The following OPCML variants were observed in gnomAD, a reference collection of about 807,000 sequenced individuals.
OPCML encodes opioid-binding protein/cell adhesion molecule.
OPCML carries 13 observed loss-of-function variants against 37.8 expected under a neutral mutation model. The observed-to-expected ratio is 0.34, with a 90% CI of 0.22 to 0.55. The LOEUF is 0.55. OPCML is among the 20% of genes least tolerant of loss of function. The pLI is 0.91. For missense variants in OPCML, 341 were observed against 435.6 expected, an observed-to-expected ratio of 0.78 and a Z score of 1.93; for synonymous variants, 176 against 168.8, an observed-to-expected ratio of 1.04 and a Z score of -0.33.
At chr11:132,824,862 C>T (rs745675581) in intron 2 of OPCML, among the ~76,000 whole-genome samples, 9 of 152,294 alleles carry the variant, frequency 5.9e-5, no homozygotes, top group Admixed American at 2.0e-4. Context: ...TCACCACAAG[C>T]CCTTCAGTTT....
intron 4 of OPCML, among the ~76,000 whole-genome samples, chr11:132,488,389 G>A (rs1227763006): frequency 6.6e-6 from 1 of 152,146 alleles, no homozygotes; most frequent in African/African-American, 2.4e-5. Flanking sequence ...CTATACACTA[G>A]GCTAGATGGC....
At chr11:132,588,602 C>T (rs370495873) in intron 3 of OPCML, among the ~76,000 whole-genome samples, 1 of 152,142 alleles carries the variant, frequency 6.6e-6, no homozygotes, top group Admixed American at 6.5e-5. Flanking sequence ...TGATTCACTG[C>T]CCCTTGGCTG....
intron 3 of OPCML, among the ~76,000 whole-genome samples, chr11:132,576,405 T>G (rs997974719): frequency 7.2e-5 from 11 of 151,890 alleles, no homozygotes; most frequent in African/African-American, 2.7e-4. Flanking sequence ...TTCTGCTTGA[T>G]CTAGCCTGTT....
chr11:132,491,851 A>G (rs1457060761), intron 4 of OPCML, among the ~76,000 whole-genome samples: 1 of 151,698 alleles, frequency 6.6e-6, no homozygotes, highest in East Asian at 1.9e-4. Flanking sequence ...AAGACAAATT[A>G]TGCAGTATAA....
chr11:132,958,272 G>T (rs1946012611), intron 1 of OPCML, among the ~76,000 whole-genome samples: 1 of 152,334 alleles, frequency 6.6e-6, no homozygotes, highest in Non-Finnish European at 1.5e-5. Context: ...CCAGAGCGAG[G>T]TTGTAACTCT....
At chr11:133,009,262 C>G in intron 1 of OPCML, 1 of 983,308 alleles carries the variant, frequency 1.0e-6, no homozygotes, top group Non-Finnish European at 1.2e-6. Flanking sequence ...TAAATACTTG[C>G]TTGTTAAAAT....
intron 1 of OPCML, among the ~76,000 whole-genome samples, chr11:133,099,089 TA>T (rs1196264686): frequency 1.3e-5 from 2 of 151,852 alleles, no homozygotes; most frequent in Non-Finnish European, 2.9e-5. Flanking sequence ...ACCCCCAAAA[TA>T]AAAGAGATAA....
At chr11:132,484,295 C>G (rs1241097327) in intron 4 of OPCML, among the ~76,000 whole-genome samples, 1 of 152,160 alleles carries the variant, frequency 6.6e-6, no homozygotes, top group Non-Finnish European at 1.5e-5. Context: ...GACATTTATG[C>G]AGCCAAAAAA....
chr11:133,218,415 CT>C (rs1477345415), intron 1 of OPCML, among the ~76,000 whole-genome samples: 1 of 152,162 alleles, frequency 6.6e-6, no homozygotes, highest in African/African-American at 2.4e-5. Context: ...GGGAAGACTT[CT>C]TTGGTTCGCT....
intron 2 of OPCML, among the ~76,000 whole-genome samples, chr11:132,927,149 G>A: frequency 6.6e-6 from 1 of 152,024 alleles, no homozygotes; most frequent in East Asian, 1.9e-4. Flanking sequence ...TGTAACTACT[G>A]GAAATGTTCC....
At chr11:133,225,195 GGA>G (rs1328835977) in intron 1 of OPCML, among the ~76,000 whole-genome samples, 1 of 152,162 alleles carries the variant, frequency 6.6e-6, no homozygotes, top group Admixed American at 6.5e-5. Context: ...ACTTATGGAT[GGA>G]AAATATTCTT....
chr11:133,045,714 A>G (rs555319419), intron 1 of OPCML, among the ~76,000 whole-genome samples: 59 of 152,294 alleles, frequency 3.9e-4, no homozygotes, highest in Non-Finnish European at 1.3e-4. Flanking sequence ...GCAACCAGTG[A>G]TATCTTCGTC....
At chr11:132,732,833 T>A (rs762789266) in intron 2 of OPCML, among the ~76,000 whole-genome samples, 3 of 152,128 alleles carry the variant, frequency 2.0e-5, no homozygotes, top group Non-Finnish European at 2.9e-5. Flanking sequence ...ATTTAGAGAT[T>A]AATGGTGACC....
intron 2 of OPCML, among the ~76,000 whole-genome samples, chr11:132,725,893 G>C (rs562670383): frequency 2.5e-4 from 38 of 151,940 alleles, no homozygotes; most frequent in African/African-American, 8.9e-4. Context: ...CAGTCTCTTT[G>C]CTAAAACATA....
At chr11:132,583,622 T>A (rs1466955746) in intron 3 of OPCML, among the ~76,000 whole-genome samples, 11 of 152,076 alleles carry the variant, frequency 7.2e-5, no homozygotes, top group Admixed American at 7.2e-4. Context: ...TTTATTTATT[T>A]ATTTACTTTT....
intron 1 of OPCML, among the ~76,000 whole-genome samples, chr11:133,182,828 G>A (rs1283621263): frequency 6.6e-6 from 1 of 152,148 alleles, no homozygotes; most frequent in African/African-American, 2.4e-5. Context: ...GCATATATAT[G>A]ATGGCTGCTG....
At chr11:133,149,254 G>T (rs1949940517) in intron 1 of OPCML, among the ~76,000 whole-genome samples, 1 of 152,216 alleles carries the variant, frequency 6.6e-6, no homozygotes, top group Non-Finnish European at 1.5e-5. Flanking sequence ...TTAAGAACTG[G>T]TAACGGACGA....
At chr11:132,842,572 T>C (rs757113478) in intron 2 of OPCML, among the ~76,000 whole-genome samples, 15 of 152,212 alleles carry the variant, frequency 9.9e-5, no homozygotes, top group Non-Finnish European at 2.1e-4. Flanking sequence ...TTTAAGAAAC[T>C]TGGAACTGAG....
intron 1 of OPCML, among the ~76,000 whole-genome samples, chr11:133,056,157 G>T (rs978627640): frequency 1.3e-5 from 2 of 152,230 alleles, no homozygotes; most frequent in Admixed American, 6.5e-5. Flanking sequence ...GAGATGGAGG[G>T]GGACAGAGAA....
Sources: allele counts gnomAD v4.1 joint callset (sites outside exome capture counted in the v4.1 genomes callset), GRCh38; gene constraint gnomAD v4.1.1; transcripts MANE v1.5; gene names NCBI Gene and HGNC (gene_info 2026-07-23, HGNC 2026-07-21).